The following FAT3 variants were observed in gnomAD, a reference collection of about 807,000 sequenced individuals.
FAT3 encodes FAT atypical cadherin 3, also known as protocadherin Fat 3.
In FAT3, 95 loss-of-function variants were observed where a neutral mutation model predicts 310.2. The ratio of observed to expected loss-of-function variants is 0.31; its 90% CI spans 0.26 to 0.36. The LOEUF (loss-of-function observed/expected upper bound fraction) is 0.36. Ranked by LOEUF, FAT3 falls within the 10% of genes least tolerant of loss-of-function variation. The pLI, the probability that FAT3 is intolerant of heterozygous loss-of-function variation, is 1.00. For synonymous variants in FAT3, 2,314 were observed against 2,192.9 expected, an observed-to-expected ratio of 1.06 and a Z score of -1.54; for missense variants, 5,408 against 5,715.6, an observed-to-expected ratio of 0.95 and a Z score of 1.74.
chr11:92,832,903 T>G (rs148908112), intron 14 of FAT3, among the ~76,000 whole-genome samples: 1 of 152,264 alleles, frequency 6.6e-6, no homozygotes, highest in Non-Finnish European at 1.5e-5. Flanking sequence ...CTGGAACTGG[T>G]GCTCTGTTTG....
chr11:92,861,212 G>A (rs774284221), intron 21 of FAT3, among the ~76,000 whole-genome samples: 4 of 152,206 alleles, frequency 2.6e-5, no homozygotes, highest in East Asian at 1.9e-4. Context: ...AGGGCTCTAC[G>A]TGGGCCTCAC....
Position 92,433,173 on chromosome 11 carries a change from A to C in FAT3, c.3292+77769A>C, listed in dbSNP as rs185989291. 1.5e-3 allele frequency among the ~76,000 whole-genome samples: 221 copies of C among 152,282 alleles called. 1 individual carries two copies. Among genetic ancestry groups the C allele is most frequent in the Middle Eastern group, 3.4e-3 (1 of 294 alleles). On this transcript the variant is annotated intron_variant, in intron 2 of 27. Coordinates refer to ENST00000525166, the MANE Select transcript of FAT3 (RefSeq NM_001367949.2). ...CAGTGGATCTTAGTTTGTTGGCCCCATGGGGGTAGGATCCACTGAACAAGA... is the reference window on the plus strand; with the variant it reads ...CAGTGGATCTTAGTTTGTTGGCCCCCTGGGGGTAGGATCCACTGAACAAGA...
At chr11:92,507,823 C>G (rs1163891638) in intron 2 of FAT3, among the ~76,000 whole-genome samples, 1 of 151,944 alleles carries the variant, frequency 6.6e-6, no homozygotes, top group Non-Finnish European at 1.5e-5. Context: ...GTATATGCCC[C>G]TTATAACACA....
intron 1 of FAT3, among the ~76,000 whole-genome samples, chr11:92,314,100 GCCT>G (rs1238786944): frequency 6.6e-6 from 1 of 152,146 alleles, no homozygotes; most frequent in Non-Finnish European, 1.5e-5. Flanking sequence ...CTATAGAACT[GCCT>G]CAGAAAAACC....
At position 92,800,490 on chromosome 11, in the gene FAT3, A is replaced by C. The variant is rs753279769; in HGVS notation, c.7477A>C (p.Ser2493Arg). Reference protein sequence around the residue: ...HIRVLGANLYSPAFSQSTYVA... With the variant: ...HIRVLGANLYRPAFSQSTYVA... ...TAGGGTACTTGGGGCTAACTTGTAC[A>C]GCCCTGCCTTTTCACAAAGCACATA... Residue 2493 changes from serine (S) to arginine (R), a missense_variant, in exon 10 of 28, where the codon AGC becomes CGC. This residue lies in a region of FAT3 where 4,588 missense variants were observed against 4,809.8 expected (regional missense o/e 0.95). Coordinates refer to ENST00000525166, the MANE Select transcript of FAT3 (RefSeq NM_001367949.2). 6.2e-7 allele frequency: 1 copy of C among 1,613,996 alleles called. No homozygotes were observed. The highest frequency in any genetic ancestry group is 8.5e-7 in the Non-Finnish European group (1 of 1,179,870).
chr11:92,424,866 G>A (rs968306156), intron 2 of FAT3, among the ~76,000 whole-genome samples: 9 of 152,104 alleles, frequency 5.9e-5, no homozygotes, highest in African/African-American at 2.2e-4. Flanking sequence ...TGATGACTAT[G>A]ATCAGATTGT....
intron 3 of FAT3, among the ~76,000 whole-genome samples, chr11:92,622,209 A>T (rs143796861): frequency 6.6e-6 from 1 of 151,934 alleles, no homozygotes; most frequent in African/African-American, 2.4e-5. Context: ...GCTTGAATCT[A>T]GGAAATGAAG....
At chr11:92,364,574 A>G (rs1948966155) in intron 2 of FAT3, among the ~76,000 whole-genome samples, 1 of 152,250 alleles carries the variant, frequency 6.6e-6, no homozygotes, top group African/African-American at 2.4e-5. Flanking sequence ...TACATTCACA[A>G]TGTTTCGTTG....
At chr11:92,430,012 C>T (rs1295604251) in intron 2 of FAT3, among the ~76,000 whole-genome samples, 1 of 152,212 alleles carries the variant, frequency 6.6e-6, no homozygotes, top group African/African-American at 2.4e-5. Flanking sequence ...TTCAGGTATA[C>T]TAATCAAAGG....
At chr11:92,658,723 C>G (rs923855288) in intron 3 of FAT3, among the ~76,000 whole-genome samples, 1 of 152,156 alleles carries the variant, frequency 6.6e-6, no homozygotes, top group African/African-American at 2.4e-5. Flanking sequence ...AAGTTCTTCT[C>G]TAAAAGTAGA....
At chr11:92,327,692 T>C (rs761753370) in intron 1 of FAT3, among the ~76,000 whole-genome samples, 6 of 152,156 alleles carry the variant, frequency 3.9e-5, no homozygotes, top group Admixed American at 6.5e-5. Context: ...ACCCTTTCAG[T>C]AGCTGAAAGC....
intron 1 of FAT3, among the ~76,000 whole-genome samples, chr11:92,341,608 T>C (rs1307891924): frequency 2.0e-5 from 3 of 152,224 alleles, no homozygotes; most frequent in Non-Finnish European, 2.9e-5. Context: ...TTGACCCACA[T>C]GCAAGCTCTT....
At chr11:92,505,308 C>T (rs533513598) in intron 2 of FAT3, among the ~76,000 whole-genome samples, 19 of 152,248 alleles carry the variant, frequency 1.2e-4, no homozygotes, top group Admixed American at 1.1e-3. Flanking sequence ...CTGACTGATG[C>T]TGCTTCCACA....
At chr11:92,481,404 A>G (rs76602515) in intron 2 of FAT3, among the ~76,000 whole-genome samples, 2,430 of 152,294 alleles carry the variant, frequency 0.016, 68 homozygotes, top group African/African-American at 0.054. Context: ...AGGATAAGCT[A>G]TATGGTTATA....
intron 2 of FAT3, among the ~76,000 whole-genome samples, chr11:92,494,610 TATC>T (rs1403306456): frequency 6.6e-6 from 1 of 152,048 alleles, no homozygotes; most frequent in African/African-American, 2.4e-5. Context: ...GAGTTTCCGT[TATC>T]ATACATATTA....
chr11:92,806,809 T>A (rs530450096), intron 12 of FAT3, among the ~76,000 whole-genome samples: 3 of 152,116 alleles, frequency 2.0e-5, no homozygotes, highest in East Asian at 1.9e-4. Flanking sequence ...GAGAGGGAAG[T>A]TGGGGGACTG....
At chr11:92,259,861 C>G (rs1257110302) in intron 1 of FAT3, among the ~76,000 whole-genome samples, 1 of 152,112 alleles carries the variant, frequency 6.6e-6, no homozygotes, top group Admixed American at 6.6e-5. Context: ...TTTCAACCTG[C>G]TTTCATCTCC....
chr11:92,412,278 T>C (rs919358580), intron 2 of FAT3, among the ~76,000 whole-genome samples: 15 of 151,838 alleles, frequency 9.9e-5, no homozygotes, highest in Admixed American at 2.6e-4. Flanking sequence ...AATTTTTGTA[T>C]TTTTAGTAGA....
intron 1 of FAT3, among the ~76,000 whole-genome samples, chr11:92,272,845 G>A (rs1397000120): frequency 6.6e-6 from 1 of 152,114 alleles, no homozygotes; most frequent in African/African-American, 2.4e-5. Flanking sequence ...ATTAAGAACT[G>A]TTGAGCAAAA....
Sources: gnomAD v4.1 joint callset for allele counts (sites outside exome capture counted in the v4.1 genomes callset) on GRCh38, gnomAD v4.1.1 for gene constraint, gnomAD v4.1.1 regional missense constraint, MANE v1.5 for transcripts, NCBI Gene and HGNC (gene_info 2026-07-23, HGNC 2026-07-21) for gene names.